Variants in CCDC157 observed in about 807,000 individuals in gnomAD.
CCDC157 encodes coiled-coil domain-containing protein 157.
In CCDC157, 60 loss-of-function variants were observed where a neutral mutation model predicts 70.9. That is an observed-to-expected ratio of 0.85 (90% confidence interval 0.69 to 1.05). The LOEUF is 1.05. Among genes scored for constraint, CCDC157 ranks in the 50% least tolerant of loss-of-function variants. The probability of loss-of-function intolerance (pLI) is 0.00; values close to 1 mark genes in which losing one functional copy is unlikely to be tolerated. For missense variants in CCDC157, 943 were observed against 984.2 expected (o/e 0.96, Z 0.56); for synonymous variants, 373 against 422.4 (o/e 0.88, Z 1.43).
rs1401693719 is a variant in CCDC157, at chr22:30,370,993, G to A, written c.1045+43G>A. 4 of 1,565,934 alleles carry A rather than the reference G, an allele frequency of 2.6e-6. No individual in the cohort carries two copies. In the African/African-American group the frequency reaches 4.0e-5, roughly 16 times the overall value. ...CAGACGCCTGGTGCCCAGGGGCTCT[G>A]CCACAGCCTTTGCATGGATGTTTGT... On this transcript the variant is annotated intron_variant, in intron 5 of 11. Coordinates refer to ENST00000338306, the MANE Select transcript of CCDC157 (RefSeq NM_001017437.5).
In CCDC157 at chr22:30,375,517, C is replaced by T; in HGVS notation, c.1711C>T (p.Pro571Ser). 6.2e-7 allele frequency: 1 copy of T among 1,614,188 alleles called. No homozygotes were observed. The highest frequency in any genetic ancestry group is 8.5e-7 in the Non-Finnish European group (1 of 1,180,034). ...SSSVESQITC[P>S]TDSGNVTDHM... ...CAGCGTGGAATCCCAGATAACATGT[C>T]CCACAGACTCTGGCAACGTCACAGA... Residue 571 changes from proline to serine, a missense_variant, in exon 10 of 12, where the codon CCC (proline) becomes TCC (serine). Pro to Ser is a moderately conservative substitution (Grantham distance 74). Coordinates refer to ENST00000338306, the MANE Select transcript of CCDC157 (RefSeq NM_001017437.5).
In CCDC157 at chr22:30,367,603, G is replaced by T. The variant is rs1932778473; in HGVS notation, c.248+1355G>T. ...TGGGAGGATTGTTTGAGCCCTGGAG[G>T]TCGAGGCTACAGTGAGCCATGATCA... On this transcript the variant is annotated intron_variant, in intron 3 of 11. Transcript: ENST00000338306. 1.3e-5 allele frequency among the ~76,000 whole-genome samples: 2 copies of T among 151,882 alleles called. 1 individual carries two copies. The highest frequency in any genetic ancestry group is 4.2e-4 in the South Asian group (2 of 4,814).
chr22:30,371,534 C>T, intron 5 of CCDC157, 116 bp from the exon 6 acceptor site: 1 of 832,616 alleles, frequency 1.2e-6, no homozygotes, highest in Middle Eastern at 3.0e-4. Context: ...CCCATGGCCG[C>T]AGGCGGCCCC....
At position 30,370,868 on chromosome 22, in the gene CCDC157, G is replaced by A. The variant is rs1249502229; in HGVS notation, c.963G>A (p.Glu321=). 1.2e-6 allele frequency: 2 copies of A among 1,612,244 alleles called. No individual in the cohort carries two copies. The highest frequency in any genetic ancestry group is 1.7e-6 in the Non-Finnish European group (2 of 1,179,998). Residue 321 remains glutamate, a synonymous_variant, in exon 5 of 12, where the codon GAG becomes GAA. Coordinates refer to ENST00000338306, the MANE Select transcript of CCDC157 (RefSeq NM_001017437.5). ...AGCTGGAGCAGGCGCTGAAACAGGA[G>A]CAGGGGGCACGGCGGCGACAGGCGG... ...AGKLEQALKQ[E]QGARRRQAEE... is the part of the protein sequence containing the mutation.
In CCDC157 at chr22:30,372,714, G is replaced by C. The variant is rs1036412183; in HGVS notation, c.1335+428G>C. 2.3e-5 allele frequency: 4 copies of C among 171,996 alleles called. No individual in the cohort carries two copies. In the South Asian group the frequency reaches 5.4e-4, roughly 23 times the overall value. 10.7% of individuals were successfully genotyped at this position (171,996 alleles called of 1,614,324 possible). On this transcript the variant is annotated intron_variant, in intron 7 of 11. Coordinates refer to ENST00000338306, the MANE Select transcript of CCDC157 (RefSeq NM_001017437.5). ...GCAGGCAGAGGGTGAGCCAGGGCCCGGGGCATAGCTGTGCTCTGGGCAATG... is the reference window on the plus strand; with the variant it reads ...GCAGGCAGAGGGTGAGCCAGGGCCCCGGGCATAGCTGTGCTCTGGGCAATG...
At chr22:30,360,364 G>T (rs1391921597) in intron 1 of CCDC157, among the ~76,000 whole-genome samples, 2 of 152,014 alleles carry the variant, frequency 1.3e-5, no homozygotes, top group Non-Finnish European at 2.9e-5. Flanking sequence ...AATTAGCTGG[G>T]TGTTGTGGCG....
In CCDC157 at chr22:30,377,603, CAGGT is replaced by C. The variant is rs1271007970; in HGVS notation, c.*861_*864del. 5 of 153,706 alleles carry C rather than the reference CAGGT, an allele frequency of 3.3e-5. No homozygotes were observed. The highest frequency in any genetic ancestry group is 3.2e-4 in the Admixed American group (5 of 15,564). 9.5% of individuals were successfully genotyped at this position (153,706 alleles called of 1,614,324 possible). A position where few individuals can be genotyped will look rare whatever the true frequency, so the allele number is the denominator to read the frequency against. On this transcript the variant is annotated 3_prime_UTR_variant, in exon 12 of 12. Coordinates refer to ENST00000338306, the MANE Select transcript of CCDC157 (RefSeq NM_001017437.5). ...CATTTTCCCTTGGTGAAGAGGCCGT[CAGGT>C]AGAGCACCTCAGTTCACAGAGAAGG...
At chr22:30,373,300 G>A in intron 7 of CCDC157, 1 of 435,396 alleles carries the variant, frequency 2.3e-6, no homozygotes, top group Non-Finnish European at 4.2e-6. Context: ...AGTGGGGTCT[G>A]TGTATGACTG....
At chr22:30,371,754 T>C in intron 6 of CCDC157, 27 bp downstream of exon 6, 1 of 1,572,144 alleles carries the variant, frequency 6.4e-7, no homozygotes, top group South Asian at 1.1e-5. Context: ...TAGGCCCCCA[T>C]GCCACATCTC....
intron 8 of CCDC157, 68 bp from the exon 9 acceptor site, chr22:30,373,855 G>A (rs1029595545): frequency 7.1e-6 from 11 of 1,545,412 alleles, no homozygotes; most frequent in South Asian, 2.4e-5. Flanking sequence ...GGGTAGGGAC[G>A]GTGCCCCAGG....
intron 2 of CCDC157, among the ~76,000 whole-genome samples, chr22:30,363,701 T>C (rs1334427505): frequency 1.4e-5 from 2 of 147,682 alleles, no homozygotes; most frequent in Admixed American, 6.7e-5. Context: ...TTTTTTTTTT[T>C]TTTTTAAGAC....
intron 1 of CCDC157, among the ~76,000 whole-genome samples, chr22:30,361,617 G>A (rs979372628): frequency 6.6e-6 from 1 of 152,150 alleles, no homozygotes; most frequent in African/African-American, 2.4e-5. Flanking sequence ...TATTTCTTTT[G>A]GACACTGCTG....
At chr22:30,360,634 G>C (rs1467866353) in intron 1 of CCDC157, among the ~76,000 whole-genome samples, 1 of 152,210 alleles carries the variant, frequency 6.6e-6, no homozygotes, top group Non-Finnish European at 1.5e-5. Context: ...TGATCTGGCG[G>C]GGCGCGATAG....
chr22:30,357,668 A>ATT (rs71198545), intron 1 of CCDC157, among the ~76,000 whole-genome samples: 2,086 of 131,336 alleles, frequency 0.016, 33 homozygotes, highest in African/African-American at 0.03. Flanking sequence ...CACCCGGCTA[A>ATT]TTTTTTTTTT....
chr22:30,370,432 C>T lies in CCDC157; in HGVS notation c.527C>T (p.Pro176Leu). Residue 176 changes from proline to leucine, a missense_variant, in exon 5 of 12, where the codon CCA (proline) becomes CTA (leucine). Coordinates refer to ENST00000338306, the MANE Select transcript of CCDC157 (RefSeq NM_001017437.5). ...ACCAAGTTAATCAAGCCCTCCTCCC[C>T]AGTGCTAGGCTTGCCCCAGACCTGC... ...LTTKLIKPSS[P>L]VLGLPQTCQE... 6.2e-7 allele frequency: 1 copy of T among 1,614,128 alleles called. No homozygotes were observed.
At chr22:30,368,932 A>G (rs996848030) in intron 3 of CCDC157, 2 of 152,660 alleles carry the variant, frequency 1.3e-5, no homozygotes, top group South Asian at 2.1e-4. Context: ...CTCCACTGTC[A>G]CAGAAGCAGC....
rs1365294213 is a variant in CCDC157, at chr22:30,369,639, C to G, written c.420+36C>G. The G allele has an allele frequency of 7.7e-6, 11 of 1,435,890 alleles. No individual in the cohort carries two copies. In the South Asian group the frequency reaches 1.3e-4, roughly 17 times the overall value. 88.9% of individuals were successfully genotyped at this position (1,435,890 alleles called of 1,614,324 possible). On this transcript the variant is annotated intron_variant, in intron 4 of 11. Coordinates refer to ENST00000338306, the MANE Select transcript of CCDC157 (RefSeq NM_001017437.5). ...GCCTCTGTCTCAGGTGGGTCAGCCT[C>G]AGCCTCTATCTCCCCACTGTGGTGG...
chr22:30,375,041 C>A, intron 9 of CCDC157: 1 of 316,856 alleles, frequency 3.2e-6, no homozygotes, highest in Non-Finnish European at 6.1e-6. Flanking sequence ...TCACTGCAAC[C>A]TCCACCTCCT....
At chr22:30,371,862 CA>C in intron 6 of CCDC157, 135 bp downstream of exon 6, 1 of 853,276 alleles carries the variant, frequency 1.2e-6, no homozygotes, top group Admixed American at 2.3e-5. Flanking sequence ...TGGGCCTGAC[CA>C]ACCACACTAT....
Sources: allele counts gnomAD v4.1 joint callset (sites outside exome capture counted in the v4.1 genomes callset), GRCh38; gene constraint gnomAD v4.1.1; transcripts MANE v1.5; gene names NCBI Gene and HGNC (gene_info 2026-07-23, HGNC 2026-07-21).